Variants in ARL6 observed in about 807,000 individuals in gnomAD.
ARL6 encodes the protein ADP-ribosylation factor-like protein 6.
Under a neutral mutation model 27.1 loss-of-function variants are expected in ARL6, and 18 were observed. The ratio of observed to expected loss-of-function variants is 0.66; its 90% confidence interval spans 0.46 to 0.98. ARL6 has a LOEUF of 0.98. Among genes scored for constraint, ARL6 ranks in the 50% least tolerant of loss-of-function variants. ARL6 has a pLI of 0.00. For missense variants in ARL6, 187 were observed against 214.9 expected, an observed-to-expected ratio of 0.87 and a Z score of 0.81; for synonymous variants, 65 against 72.3, an observed-to-expected ratio of 0.90 and a Z score of 0.51.
At chr3:97,777,537 A>G (rs1196229030) in intron 2 of ARL6, among the ~76,000 whole-genome samples, 3 of 152,142 alleles carry the variant, frequency 2.0e-5, no homozygotes, top group Non-Finnish European at 4.4e-5. Context: ...TTATTGTTAA[A>G]TAGTATTGTT....
intron 5 of ARL6, 122 bp from the exon 6 acceptor site, chr3:97,787,868 C>T: frequency 1.0e-6 from 1 of 959,442 alleles, no homozygotes; most frequent in Non-Finnish European, 1.6e-6. Flanking sequence ...TTAAATGTTT[C>T]TGTGTGTGTG....
At chr3:97,770,773 A>T (rs796249487) in intron 2 of ARL6, among the ~76,000 whole-genome samples, 5 of 151,978 alleles carry the variant, frequency 3.3e-5, no homozygotes, top group African/African-American at 1.2e-4. Context: ...GCATCATAAG[A>T]CTATCCTTTT....
At chr3:97,793,168 G>A (rs937787303) in intron 7 of ARL6, among the ~76,000 whole-genome samples, 4 of 152,086 alleles carry the variant, frequency 2.6e-5, no homozygotes, top group African/African-American at 9.7e-5. Context: ...GTACTTCTGT[G>A]TCTTTTATGT....
chr3:97,765,202 T>G (rs1310419385), intron 1 of ARL6, among the ~76,000 whole-genome samples: 1 of 136,402 alleles, frequency 7.3e-6, no homozygotes, highest in Non-Finnish European at 1.5e-5. Flanking sequence ...CTTAGACCCG[T>G]GTATTGGGGG....
chr3:97,782,602 A>G (rs1042883011), intron 4 of ARL6, among the ~76,000 whole-genome samples: 1 of 151,900 alleles, frequency 6.6e-6, no homozygotes, highest in African/African-American at 2.4e-5. Context: ...TGAGAATGTA[A>G]TATCTTTTTC....
intron 6 of ARL6, 68 bp downstream of exon 6, chr3:97,788,187 C>T (rs111432566): frequency 6.6e-7 from 1 of 1,512,690 alleles, no homozygotes; most frequent in Admixed American, 1.8e-5. Context: ...GTTGTTTCTT[C>T]TGATCTCATT....
At chr3:97,788,253 A>T (rs1430715971) in intron 6 of ARL6, 134 bp downstream of exon 6, 1 of 992,630 alleles carries the variant, frequency 1.0e-6, no homozygotes, top group Non-Finnish European at 1.5e-6. Context: ...TTTGTTTTGT[A>T]GAATTGTGGC....
intron 2 of ARL6, among the ~76,000 whole-genome samples, chr3:97,770,481 C>T (rs1476081221): frequency 6.6e-6 from 1 of 151,930 alleles, no homozygotes; most frequent in East Asian, 1.9e-4. Flanking sequence ...TTCTGTAATT[C>T]TGTAGATTAT....
At chr3:97,780,894 C>T (rs1027473161) in intron 4 of ARL6, among the ~76,000 whole-genome samples, 1 of 151,808 alleles carries the variant, frequency 6.6e-6, no homozygotes, top group Non-Finnish European at 1.5e-5. Flanking sequence ...ATGTACTATT[C>T]TCTCTGTTTT....
intron 7 of ARL6, among the ~76,000 whole-genome samples, chr3:97,794,193 G>A (rs2037884029): frequency 6.6e-6 from 1 of 150,852 alleles, no homozygotes; most frequent in South Asian, 2.1e-4. Context: ...GTGTGTGTGT[G>A]TGTGTGTGTG....
At chr3:97,765,207 T>TGG (rs35915522) in intron 1 of ARL6, among the ~76,000 whole-genome samples, 1,672 of 73,936 alleles carry the variant, frequency 0.023, 25 homozygotes, top group South Asian at 0.15. Flanking sequence ...ACCCGTGTAT[T>TGG]GGGGGTGTGT....
intron 1 of ARL6, 120 bp downstream of exon 1, chr3:97,765,097 G>A (rs2036304984): frequency 6.6e-6 from 1 of 152,142 alleles, no homozygotes; most frequent in Non-Finnish European, 1.5e-5. Context: ...GCTAATGTAT[G>A]AGAAGTAGAA....
At chr3:97,779,356 C>T (rs926863867) in intron 2 of ARL6, among the ~76,000 whole-genome samples, 2 of 152,132 alleles carry the variant, frequency 1.3e-5, no homozygotes, top group Non-Finnish European at 2.9e-5. Flanking sequence ...GGTCAGATGG[C>T]CCCTACTCAG....
intron 6 of ARL6, 100 bp downstream of exon 6, chr3:97,788,219 C>A: frequency 8.1e-7 from 1 of 1,234,122 alleles, no homozygotes; most frequent in Non-Finnish European, 1.1e-6. Flanking sequence ...AGTGATCAAA[C>A]ATGGTGGCAT....
intron 1 of ARL6, among the ~76,000 whole-genome samples, chr3:97,765,748 G>A (rs933549540): frequency 2.6e-5 from 4 of 152,210 alleles, no homozygotes; most frequent in Non-Finnish European, 4.4e-5. Context: ...ATTGATTTCA[G>A]AGTGCAGCCA....
chr3:97,783,824 T>C (rs536671248), intron 4 of ARL6, among the ~76,000 whole-genome samples: 20 of 151,950 alleles, frequency 1.3e-4, no homozygotes, highest in African/African-American at 4.6e-4. Flanking sequence ...TTGAACCTCA[T>C]TGGCAATTAA....
chr3:97,780,086 C>A, intron 2 of ARL6, 73 bp from the exon 3 acceptor site: 1 of 1,238,660 alleles, frequency 8.1e-7, no homozygotes, highest in Non-Finnish European at 1.2e-6. Flanking sequence ...AACTGAAAAT[C>A]TGGATACTTT....
At chr3:97,768,776 G>T (rs2036504977) in intron 2 of ARL6, among the ~76,000 whole-genome samples, 1 of 152,060 alleles carries the variant, frequency 6.6e-6, no homozygotes, top group African/African-American at 2.4e-5. Flanking sequence ...ACCAATTCCT[G>T]AGCCTTTATG....
At chr3:97,782,823 AG>A (rs2037263688) in intron 4 of ARL6, among the ~76,000 whole-genome samples, 1 of 149,574 alleles carries the variant, frequency 6.7e-6, no homozygotes, top group South Asian at 2.1e-4. Flanking sequence ...TAACCATAGT[AG>A]TAAAAAAAAA....
Sources: allele counts gnomAD v4.1 joint callset (sites outside exome capture counted in the v4.1 genomes callset), GRCh38; gene constraint gnomAD v4.1.1; transcripts MANE v1.5; gene names NCBI Gene and HGNC (gene_info 2026-07-23, HGNC 2026-07-21).